TP53INP1: variants seen among roughly 807,000 people sequenced by gnomAD.
TP53INP1 encodes the protein tumor protein p53-inducible nuclear protein 1.
Under a neutral mutation model 21.0 loss-of-function variants are expected in TP53INP1, and 12 were observed. The ratio of observed to expected loss-of-function variants is 0.57; its 90% CI spans 0.37 to 0.93. The LOEUF is 0.93. Among genes scored for constraint, TP53INP1 ranks in the 40% least tolerant of loss-of-function variants. The pLI is 0.01. For synonymous variants in TP53INP1, 91 were observed against 94.8 expected (o/e 0.96, Z 0.23); for missense variants, 274 against 294.7 (o/e 0.93, Z 0.51).
chr8:94,939,882 A>G lies in TP53INP1; in HGVS notation c.451T>C (p.Leu151=). 1 of 1,613,530 alleles carries G rather than the reference A, an allele frequency of 6.2e-7. No individual in the cohort carries two copies. Residue 151 remains leucine (L), a synonymous_variant, in exon 3 of 4, where the codon TTA becomes CTA. Transcript: ENST00000342697. Reference sequence around the variant, plus strand: ...TACCTGGGACTACTTGGGCTATGTAATTCATCAGTCCCACGGGTGGCCTCA... The same window carrying G: ...TACCTGGGACTACTTGGGCTATGTAGTTCATCAGTCCCACGGGTGGCCTCA... ...LSEATRGTDE[L]HSPSSPRVEA...
intron 1 of TP53INP1, among the ~76,000 whole-genome samples, chr8:94,944,148 A>C (rs553921931): frequency 6.6e-6 from 1 of 152,236 alleles, no homozygotes; most frequent in Non-Finnish European, 1.5e-5. Context: ...TTGAGAGAAT[A>C]AGCCCAATTC....
At chr8:94,940,261 AGAGTCCC>A (rs749079038) in intron 2 of TP53INP1, 41 bp from the exon 3 acceptor site, 5 of 1,555,198 alleles carry the variant, frequency 3.2e-6, no homozygotes, top group Non-Finnish European at 4.3e-6. Flanking sequence ...GTGTTGTTGA[AGAGTCCC>A]ACAGGAGGAT....
In TP53INP1 at chr8:94,929,465, C is replaced by T. The variant is rs992028768; in HGVS notation, c.*1014G>A. ...TTGAGCCAACCTGTCACTCTTCACT[C>T]AGATGCCATGAAAGACATCATCACC... On this transcript the variant is annotated 3_prime_UTR_variant, in exon 4 of 4. Coordinates refer to ENST00000342697, the MANE Select transcript of TP53INP1 (RefSeq NM_033285.4). The T allele has an allele frequency of 1.3e-5, 2 of 151,748 alleles. No individual in the cohort carries two copies. Among genetic ancestry groups the T allele is most frequent in the Non-Finnish European group, 2.9e-5 (2 of 67,992 alleles). 9.4% of individuals were successfully genotyped at this position (151,748 alleles called of 1,614,324 possible).
intron 1 of TP53INP1, 44 bp downstream of exon 1, chr8:94,949,089 TGCGGCCCCAACCGGCAGCGAG>T (rs1284285955): frequency 6.8e-6 from 1 of 147,516 alleles, no homozygotes; most frequent in Non-Finnish European, 1.5e-5. Flanking sequence ...CGGGCAGCGC[TGCGGCCCCAACCGGCAGCGAG>T]GCGGCCCTGG....
chr8:94,947,890 T>A (rs961565353), intron 1 of TP53INP1, among the ~76,000 whole-genome samples: 24 of 152,246 alleles, frequency 1.6e-4, no homozygotes, highest in African/African-American at 5.1e-4. Context: ...CAGTTCAGAA[T>A]TACACTGATT....
chr8:94,945,592 C>T (rs1473099295), intron 1 of TP53INP1: 1 of 152,252 alleles, frequency 6.6e-6, no homozygotes, highest in Admixed American at 6.5e-5. Context: ...GGGATGGAGG[C>T]TCTCAACTGG....
chr8:94,932,500 C>G (rs779873772), intron 3 of TP53INP1, among the ~76,000 whole-genome samples: 1 of 152,212 alleles, frequency 6.6e-6, no homozygotes, highest in Non-Finnish European at 1.5e-5. Context: ...AGCAAGACTT[C>G]CTTATAAGAA....
intron 3 of TP53INP1, among the ~76,000 whole-genome samples, chr8:94,931,605 C>CATATATAT (rs141760825): frequency 6.0e-5 from 9 of 149,030 alleles, no homozygotes; most frequent in Non-Finnish European, 8.9e-5. Flanking sequence ...CACACACACA[C>CATATATAT]ACACATAAAA....
rs1357650358 is a variant in TP53INP1 at position 94,928,828 on chromosome 8, T to G, written c.*1651A>C. 1.3e-5 allele frequency: 2 copies of G among 152,408 alleles called. No homozygotes were observed. Among genetic ancestry groups the G allele is most frequent in the Non-Finnish European group, 1.5e-5 (1 of 68,042 alleles). The allele number at this position is 152,408 out of a possible 1,614,324, so 9.4% of individuals were successfully genotyped here. ...ACAGGGTTATTGAAAAATATAATAC[T>G]TCACTTAAGGATATGCTGCTTTTCT... On this transcript the variant is annotated 3_prime_UTR_variant, in exon 4 of 4. Transcript: ENST00000342697.
rs540860913 is a variant in TP53INP1, at chr8:94,926,625, TAA to T, written c.*3852_*3853del. 250 of 152,272 alleles carry T rather than the reference TAA, an allele frequency of 1.6e-3. No individual in the cohort carries two copies. Among genetic ancestry groups the T allele is most frequent in the African/African-American group, 5.7e-3 (237 of 41,544 alleles). The allele number at this position is 152,272 out of a possible 1,614,324, so 9.4% of individuals were successfully genotyped here. Reference sequence around the variant, plus strand: ...GGACATTTAACAATTACACAATTTTTAAAAGTGTCGTAAAATTCTCAACTATA... The same window carrying T: ...GGACATTTAACAATTACACAATTTTTAAGTGTCGTAAAATTCTCAACTATA... On this transcript the variant is annotated 3_prime_UTR_variant, in exon 4 of 4. Coordinates refer to ENST00000342697, the MANE Select transcript of TP53INP1 (RefSeq NM_033285.4).
intron 3 of TP53INP1, among the ~76,000 whole-genome samples, chr8:94,939,272 A>G (rs1821287700): frequency 6.6e-6 from 1 of 152,244 alleles, no homozygotes; most frequent in Non-Finnish European, 1.5e-5. Context: ...AGTCAGAGTT[A>G]TGTTCTAAGA....
chr8:94,940,213 G>A lies in TP53INP1; in HGVS notation c.120C>T (p.Cys40=), dbSNP rs75917719. Residue 40 remains cysteine, a synonymous_variant, in exon 3 of 4, where the codon TGC becomes TGT. Coordinates refer to ENST00000342697, the MANE Select transcript of TP53INP1 (RefSeq NM_033285.4). Reference sequence around the variant, plus strand: ...CTTCTTCTTCTGCTGAGAAACCAGTGCAAGTATCTAGATCGTAGTCCACAT... The same window carrying A: ...CTTCTTCTTCTGCTGAGAAACCAGTACAAGTATCTAGATCGTAGTCCACAT... The part of the protein sequence containing the change: ...EWILVDFIDT[C]TGFSAEEEEE... 28,222 of 1,608,368 alleles carry A rather than the reference G, an allele frequency of 0.018. 337 individuals are homozygous for A. Among genetic ancestry groups the A allele is most frequent in the African/African-American group, 0.041 (3,087 of 74,870 alleles).
Position 94,941,041 on chromosome 8 carries a change from T to G in TP53INP1, c.-100A>C. The G allele has an allele frequency of 1.3e-6, 1 of 785,430 alleles. No homozygotes were observed. Among genetic ancestry groups the G allele is most frequent in the Non-Finnish European group, 2.1e-6 (1 of 477,172 alleles). The allele number at this position is 785,430 out of a possible 1,614,324, so 48.7% of individuals were successfully genotyped here. On this transcript the variant is annotated 5_prime_UTR_variant, in exon 2 of 4. Transcript: ENST00000342697. ...CAATGGTACCGACAGGAGATTAAAGTGCACAGGGTGCTTATTCAACTTAGG... is the reference window on the plus strand; with the variant it reads ...CAATGGTACCGACAGGAGATTAAAGGGCACAGGGTGCTTATTCAACTTAGG...
At chr8:94,944,473 T>C (rs143571018) in intron 1 of TP53INP1, among the ~76,000 whole-genome samples, 1 of 152,336 alleles carries the variant, frequency 6.6e-6, no homozygotes, top group East Asian at 1.9e-4. Flanking sequence ...CAGGAAAGGC[T>C]TCTCTGGAGG....
At position 94,926,951 on chromosome 8, in the gene TP53INP1, A is replaced by C. The variant is rs148966293; in HGVS notation, c.*3528T>G. ...ATATCAGCATGGCTGATGGCAGTGA[A>C]ACCATCCAAGATAGAAGGCCCACTT... is the stretch of plus-strand genomic sequence containing the variant. On this transcript the variant is annotated 3_prime_UTR_variant, in exon 4 of 4. Transcript: ENST00000342697. The C allele has an allele frequency of 1.3e-5, 2 of 152,344 alleles. No homozygotes were observed. Among genetic ancestry groups the C allele is most frequent in the African/African-American group, 2.4e-5 (1 of 41,588 alleles). 9.4% of individuals were successfully genotyped at this position (152,344 alleles called of 1,614,324 possible).
chr8:94,947,890 T>G (rs961565353), intron 1 of TP53INP1, among the ~76,000 whole-genome samples: 2 of 152,246 alleles, frequency 1.3e-5, no homozygotes, highest in Non-Finnish European at 2.9e-5. Context: ...CAGTTCAGAA[T>G]TACACTGATT....
chr8:94,936,987 G>A (rs1485771627), intron 3 of TP53INP1, among the ~76,000 whole-genome samples: 1 of 152,222 alleles, frequency 6.6e-6, no homozygotes, highest in Non-Finnish European at 1.5e-5. Context: ...CTGCAAGTGA[G>A]ACTAGTGCTG....
At chr8:94,934,492 T>G (rs1586708591) in intron 3 of TP53INP1, among the ~76,000 whole-genome samples, 1 of 151,876 alleles carries the variant, frequency 6.6e-6, no homozygotes, top group East Asian at 1.9e-4. Flanking sequence ...TTCAAGCAAT[T>G]CTCCTGCCTC....
intron 3 of TP53INP1, among the ~76,000 whole-genome samples, chr8:94,937,652 T>C (rs1387017500): frequency 5.9e-5 from 9 of 152,082 alleles, no homozygotes; most frequent in African/African-American, 1.9e-4. Flanking sequence ...TTTTTTTTCC[T>C]CTACTGGATG....
Sources: gnomAD v4.1 joint callset for allele counts (sites outside exome capture counted in the v4.1 genomes callset) on GRCh38, gnomAD v4.1.1 for gene constraint, MANE v1.5 for transcripts, NCBI Gene and HGNC (gene_info 2026-07-23, HGNC 2026-07-21) for gene names.